The following ST3GAL3 variants were observed in gnomAD, a reference collection of about 807,000 sequenced individuals.
ST3GAL3 encodes ST3 beta-galactoside alpha-2,3-sialyltransferase 3.
ST3GAL3 carries 21 observed loss-of-function variants against 50.1 expected under a neutral mutation model. The observed-to-expected ratio is 0.42, with a 90% CI of 0.30 to 0.60. The LOEUF (loss-of-function observed/expected upper bound fraction) is 0.60, where lower values mean the gene tolerates loss of function less well. Among genes scored for constraint, ST3GAL3 ranks in the 20% least tolerant of loss-of-function variants. The pLI, the probability that ST3GAL3 is intolerant of heterozygous loss-of-function variation, is 0.19. For synonymous variants in ST3GAL3, 183 were observed against 190.0 expected, an observed-to-expected ratio of 0.96 and a Z score of 0.30; for missense variants, 353 against 489.4, an observed-to-expected ratio of 0.72 and a Z score of 2.63.
chr1:43,726,275 A>G (rs1209166768), intron 1 of ST3GAL3, among the ~76,000 whole-genome samples: 1 of 152,042 alleles, frequency 6.6e-6, no homozygotes, highest in Non-Finnish European at 1.5e-5. Flanking sequence ...AAACTATTTT[A>G]TATCTTATTT....
At chr1:43,845,098 C>T (rs565958722) in intron 5 of ST3GAL3, among the ~76,000 whole-genome samples, 1 of 152,190 alleles carries the variant, frequency 6.6e-6, no homozygotes, top group South Asian at 2.1e-4. Context: ...ATTCTTGTGC[C>T]TCAGCCTCCC....
intron 3 of ST3GAL3, among the ~76,000 whole-genome samples, chr1:43,802,366 G>A (rs1310530339): frequency 2.0e-5 from 3 of 152,168 alleles, no homozygotes; most frequent in Non-Finnish European, 4.4e-5. Flanking sequence ...AATCAAAATT[G>A]TAAGGTTGAA....
intron 5 of ST3GAL3, chr1:43,851,112 C>T (rs908547893): frequency 5.9e-6 from 6 of 1,021,394 alleles, no homozygotes; most frequent in East Asian, 4.8e-5. Context: ...GGGGCATAGT[C>T]CAGGTTTTAG....
At chr1:43,894,598 A>C in intron 6 of ST3GAL3, 121 bp downstream of exon 6, 1 of 886,944 alleles carries the variant, frequency 1.1e-6, no homozygotes, top group Non-Finnish European at 1.9e-6. Flanking sequence ...TCTACTCTCA[A>C]CAAATCTTCT....
At chr1:43,801,798 A>T (rs528047857) in intron 3 of ST3GAL3, 8 of 158,926 alleles carry the variant, frequency 5.0e-5, no homozygotes, top group Admixed American at 2.4e-4. Flanking sequence ...ACAAAAAAAT[A>T]AAAAATTAGC....
At chr1:43,852,051 T>C (rs1340744250) in intron 5 of ST3GAL3, among the ~76,000 whole-genome samples, 1 of 152,196 alleles carries the variant, frequency 6.6e-6, no homozygotes, top group Non-Finnish European at 1.5e-5. Context: ...CACCTAGTCA[T>C]TGACTCCCAT....
At position 43,917,671 on chromosome 1, in the gene ST3GAL3, A is replaced by AATATATAT. The variant is rs1557542044; in HGVS notation, c.745-2733_745-2732insATATATAT. ...TATAATATAATATATAATATATATT[A>AATATATAT]TATATATATATATTTTAAACAGAGT... On this transcript the variant is annotated intron_variant, in intron 9 of 11. Transcript: ENST00000347631. Among the ~76,000 whole-genome samples, 17 of 22,322 alleles carry AATATATAT rather than the reference A, an allele frequency of 7.6e-4. No homozygotes were observed. In the East Asian group the frequency reaches 0.024, roughly 31 times the overall value. The allele number at this position is 22,322 out of a possible 152,430, so 14.6% of individuals were successfully genotyped here.
intron 1 of ST3GAL3, among the ~76,000 whole-genome samples, chr1:43,724,603 A>G (rs1359984906): frequency 1.3e-5 from 2 of 152,058 alleles, no homozygotes; most frequent in Non-Finnish European, 2.9e-5. Context: ...TCTTTTTTCA[A>G]ATTGTATGCT....
At chr1:43,917,614 A>AT (rs1255524307) in intron 9 of ST3GAL3, among the ~76,000 whole-genome samples, 35 of 74,934 alleles carry the variant, frequency 4.7e-4, no homozygotes, top group Middle Eastern at 5.1e-3. Context: ...TATATATTAT[A>AT]TATTATATTA....
chr1:43,881,200 AG>A (rs1252765021), intron 5 of ST3GAL3, among the ~76,000 whole-genome samples: 3 of 152,150 alleles, frequency 2.0e-5, no homozygotes, highest in East Asian at 3.9e-4. Flanking sequence ...CAGTAGAGAC[AG>A]GGTTTCACCA....
chr1:43,783,822 G>T (rs1700117660), intron 2 of ST3GAL3, among the ~76,000 whole-genome samples: 1 of 152,074 alleles, frequency 6.6e-6, no homozygotes, highest in African/African-American at 2.4e-5. Context: ...GAACGCTGTT[G>T]CCCTAGGGGA....
At chr1:43,858,088 C>T (rs2068960030) in intron 5 of ST3GAL3, 1 of 1,285,492 alleles carries the variant, frequency 7.8e-7, no homozygotes, top group East Asian at 5.6e-5. Context: ...CTGGGTTGCT[C>T]AACCTTTCTG....
At chr1:43,922,333 C>A (rs2083179305) in intron 11 of ST3GAL3, 1 of 151,462 alleles carries the variant, frequency 6.6e-6, no homozygotes, top group Non-Finnish European at 1.5e-5. Context: ...GAAACCCTGT[C>A]TCTACTAAAA....
At chr1:43,751,476 A>G (rs1449751575) in intron 2 of ST3GAL3, among the ~76,000 whole-genome samples, 2 of 152,250 alleles carry the variant, frequency 1.3e-5, no homozygotes, top group African/African-American at 4.8e-5. Flanking sequence ...AGATTGAGTA[A>G]ATAAATAATG....
chr1:43,791,143 C>T (rs1242144724), intron 2 of ST3GAL3, among the ~76,000 whole-genome samples: 1 of 152,190 alleles, frequency 6.6e-6, no homozygotes, highest in East Asian at 1.9e-4. Context: ...TGAGTTCAAG[C>T]GTCACTTCTT....
chr1:43,822,992 C>T (rs981090607), intron 4 of ST3GAL3, among the ~76,000 whole-genome samples: 5 of 152,208 alleles, frequency 3.3e-5, no homozygotes, highest in African/African-American at 4.8e-5. Context: ...ACTGTAGCAT[C>T]ATTTCTTTGA....
At chr1:43,885,951 A>C (rs562317888) in intron 5 of ST3GAL3, among the ~76,000 whole-genome samples, 10 of 152,358 alleles carry the variant, frequency 6.6e-5, no homozygotes, top group African/African-American at 2.4e-4. Flanking sequence ...GAGACTTGTC[A>C]AATTATACAA....
chr1:43,803,206 G>A (rs1177327846), intron 3 of ST3GAL3, among the ~76,000 whole-genome samples: 2 of 152,140 alleles, frequency 1.3e-5, no homozygotes, highest in African/African-American at 4.8e-5. Flanking sequence ...TTACAGGCAT[G>A]AGCCACCATG....
At chr1:43,884,459 A>G (rs905831874) in intron 5 of ST3GAL3, among the ~76,000 whole-genome samples, 1 of 152,192 alleles carries the variant, frequency 6.6e-6, no homozygotes, top group South Asian at 2.1e-4. Flanking sequence ...TTAGACATAC[A>G]CCAGGCTCTT....
Sources: allele counts gnomAD v4.1 joint callset (sites outside exome capture counted in the v4.1 genomes callset), GRCh38; gene constraint gnomAD v4.1.1; transcripts MANE v1.5; gene names NCBI Gene and HGNC (gene_info 2026-07-23, HGNC 2026-07-21).